Variants in GABRB1 observed in about 807,000 individuals in gnomAD.
The protein encoded by GABRB1 is gamma-aminobutyric acid receptor subunit beta-1.
A neutral mutation model predicts 51.6 loss-of-function variants in GABRB1; 17 were observed. The ratio of observed to expected loss-of-function variants is 0.33; its 90% CI spans 0.23 to 0.49. The LOEUF is 0.49. GABRB1 is among the 20% of genes least tolerant of loss of function. GABRB1 has a pLI of 0.99. For synonymous variants in GABRB1, 247 were observed against 218.9 expected (o/e 1.13, Z -1.14); for missense variants, 410 against 600.6 (o/e 0.68, Z 3.32).
intron 5 of GABRB1, among the ~76,000 whole-genome samples, chr4:47,343,867 A>G (rs1455790953): frequency 1.3e-5 from 2 of 152,220 alleles, no homozygotes; most frequent in Non-Finnish European, 2.9e-5. Context: ...AAGTGGTAGC[A>G]GAAACTCAGA....
At chr4:47,288,671 A>AATC (rs900193834) in intron 4 of GABRB1, among the ~76,000 whole-genome samples, 3 of 152,118 alleles carry the variant, frequency 2.0e-5, no homozygotes, top group East Asian at 1.9e-4. Context: ...TAAGTCATTT[A>AATC]ATCATCATCA....
rs28634086 is a variant in GABRB1 at position 47,238,277 on chromosome 4, C to G, written c.461+76808C>G. On this transcript the variant is annotated intron_variant, in intron 4 of 8. Transcript: ENST00000295454. The stretch of plus-strand genomic sequence containing the variant: ...AAAATACAGAGAAAACTGTGATTAA[C>G]ATGTATGATCATTATACCGATTCTG... Among the ~76,000 whole-genome samples the G allele has an allele frequency of 6.1e-3, 930 of 152,110 alleles. 2 individuals are homozygous for G. The highest frequency in any genetic ancestry group is 0.019 in the African/African-American group (810 of 41,548).
rs546280018 is a variant in GABRB1, at chr4:47,019,549, T to C, written c.-19-12365T>C. 5.1e-3 allele frequency among the ~76,000 whole-genome samples: 658 copies of C among 128,892 alleles called. 5 individuals are homozygous for C. Among genetic ancestry groups the C allele is most frequent in the South Asian group, 0.025 (96 of 3,802 alleles). 84.6% of individuals were successfully genotyped at this position (128,892 alleles called of 152,430 possible). A position where few individuals can be genotyped will look rare whatever the true frequency, so the allele number is the denominator to read the frequency against. Reference sequence around the variant, plus strand: ...AGATAAAGGTGTCAGCAGGTTTAGTTTCTCTCTCTCTCTCTCTCTCTCTCT... The same window carrying C: ...AGATAAAGGTGTCAGCAGGTTTAGTCTCTCTCTCTCTCTCTCTCTCTCTCT... On this transcript the variant is annotated intron_variant, in intron 1 of 3. Transcript: ENST00000513567.
At chr4:47,007,122 A>C (rs1042122152) in intron 1 of GABRB1, among the ~76,000 whole-genome samples, 1 of 149,294 alleles carries the variant, frequency 6.7e-6, no homozygotes, top group African/African-American at 2.5e-5. Flanking sequence ...TCTGAGTGAC[A>C]GAGCGAGACC....
At chr4:47,355,252 A>C (rs1022884817) in intron 5 of GABRB1, among the ~76,000 whole-genome samples, 1 of 151,922 alleles carries the variant, frequency 6.6e-6, no homozygotes, top group South Asian at 2.1e-4. Flanking sequence ...AAAGTTTGGG[A>C]TTACTGGCGT....
chr4:47,282,562 A>G (rs1723332763), intron 4 of GABRB1, among the ~76,000 whole-genome samples: 1 of 152,170 alleles, frequency 6.6e-6, no homozygotes, highest in African/African-American at 2.4e-5. Flanking sequence ...GCAACTAAGC[A>G]TAAAAAAAAA....
At chr4:47,090,698 A>G (rs1728254546) in intron 3 of GABRB1, among the ~76,000 whole-genome samples, 1 of 152,214 alleles carries the variant, frequency 6.6e-6, no homozygotes, top group African/African-American at 2.4e-5. Context: ...AACGTTAGAG[A>G]ACCTACTACA....
At chr4:47,058,616 C>A (rs1483890676) in intron 3 of GABRB1, among the ~76,000 whole-genome samples, 1 of 152,124 alleles carries the variant, frequency 6.6e-6, no homozygotes, top group Non-Finnish European at 1.5e-5. Context: ...TGGATTTCCG[C>A]AGAGGTGCCC....
At chr4:47,401,089 T>C (rs751124541) in intron 5 of GABRB1, among the ~76,000 whole-genome samples, 59 of 152,272 alleles carry the variant, frequency 3.9e-4, no homozygotes, top group Non-Finnish European at 1.5e-4. Context: ...TCTTTTGCCT[T>C]CATCAGTTGG....
intron 1 of GABRB1, among the ~76,000 whole-genome samples, chr4:47,014,261 G>C (rs1055792361): frequency 1.3e-5 from 2 of 152,054 alleles, no homozygotes; most frequent in African/African-American, 4.8e-5. Flanking sequence ...TAGATTTTGA[G>C]AGCTACTAAG....
At chr4:47,306,465 A>C (rs905502590) in intron 4 of GABRB1, among the ~76,000 whole-genome samples, 1 of 151,478 alleles carries the variant, frequency 6.6e-6, no homozygotes, top group African/African-American at 2.4e-5. Flanking sequence ...GGAGGAAAAG[A>C]GGAAGGAAAG....
At chr4:47,311,225 C>A (rs1724662908) in intron 4 of GABRB1, among the ~76,000 whole-genome samples, 1 of 81,862 alleles carries the variant, frequency 1.2e-5, no homozygotes, top group Non-Finnish European at 2.6e-5. Flanking sequence ...AAAAACCCGT[C>A]TCTACTAAAA....
chr4:47,381,303 G>A (rs1727588280), intron 5 of GABRB1, among the ~76,000 whole-genome samples: 1 of 152,126 alleles, frequency 6.6e-6, no homozygotes, highest in Admixed American at 6.5e-5. Flanking sequence ...CTCCACTGGT[G>A]ACTGGGCATT....
intron 3 of GABRB1, among the ~76,000 whole-genome samples, chr4:47,046,310 A>T (rs1726083680): frequency 6.6e-6 from 1 of 152,174 alleles, no homozygotes; most frequent in African/African-American, 2.4e-5. Flanking sequence ...AGTAGATGAG[A>T]TAAGAAGAGT....
intron 4 of GABRB1, among the ~76,000 whole-genome samples, chr4:47,288,560 C>A (rs1322884460): frequency 6.6e-6 from 1 of 152,160 alleles, no homozygotes; most frequent in African/African-American, 2.4e-5. Context: ...CCATGCCCAG[C>A]CAGGGCTTCT....
chr4:47,134,618 A>G (rs1716561403), intron 3 of GABRB1, among the ~76,000 whole-genome samples: 1 of 152,186 alleles, frequency 6.6e-6, no homozygotes, highest in Admixed American at 6.5e-5. Context: ...ACTGTTACCA[A>G]TAATAAGGAA....
chr4:47,205,229 G>T (rs866801813), intron 4 of GABRB1, among the ~76,000 whole-genome samples: 2 of 152,130 alleles, frequency 1.3e-5, no homozygotes, highest in Non-Finnish European at 2.9e-5. Context: ...CACAAGAATG[G>T]TTTTTATAGA....
chr4:47,050,594 A>T lies in GABRB1; in HGVS notation c.240+18110A>T, dbSNP rs1156553006. 2.6e-5 allele frequency among the ~76,000 whole-genome samples: 4 copies of T among 152,298 alleles called. No homozygotes were observed. The East Asian group carries it at 7.7e-4, about 29-fold the overall frequency. On this transcript the variant is annotated intron_variant, in intron 3 of 8. Transcript: ENST00000295454. ...AATAAGAATTTATAAATACCAGCTT[A>T]TCATTTTTGTTGGATACCTGCTTTG...
At chr4:47,026,885 G>A (rs1387480975), upstream of GABRB1, among the ~76,000 whole-genome samples, 1 of 151,982 alleles carries the variant, frequency 6.6e-6, no homozygotes, top group African/African-American at 2.4e-5. Flanking sequence ...AGAAAAGAAT[G>A]TAAACTGTCA....
Sources: gnomAD v4.1 joint callset for allele counts (sites outside exome capture counted in the v4.1 genomes callset) on GRCh38, gnomAD v4.1.1 for gene constraint, MANE v1.5 for transcripts, NCBI Gene and HGNC (gene_info 2026-07-23, HGNC 2026-07-21) for gene names.